The following ARHGEF10 variants were observed in gnomAD, a reference collection of about 807,000 sequenced individuals.
The protein encoded by ARHGEF10 is Rho guanine nucleotide exchange factor (GEF) 10.
A neutral mutation model predicts 147.4 loss-of-function variants in ARHGEF10; 140 were observed. The ratio of observed to expected loss-of-function variants is 0.95; its 90% CI spans 0.83 to 1.09. The LOEUF is 1.09. Among genes scored for constraint, ARHGEF10 ranks in the 50% least tolerant of loss-of-function variants. The pLI, the probability that ARHGEF10 is intolerant of heterozygous loss-of-function variation, is 0.00. For synonymous variants in ARHGEF10, 902 were observed against 695.8 expected, an observed-to-expected ratio of 1.30 and a Z score of -4.67; for missense variants, 2,222 against 1,752.7, an observed-to-expected ratio of 1.27 and a Z score of -4.78.
chr8:1,850,192 GGGCGGCCACATGGGCATGGAT>G (rs1804988115), intron 2 of ARHGEF10, among the ~76,000 whole-genome samples: 1 of 138,772 alleles, frequency 7.2e-6, no homozygotes, highest in African/African-American at 2.5e-5. Flanking sequence ...GGAGGGCGTG[GGGCGGCCACATGGGCATGGAT>G]GGCAAATGCT....
intron 6 of ARHGEF10, among the ~76,000 whole-genome samples, chr8:1,868,364 G>C (rs151218971): frequency 2.7e-4 from 41 of 152,294 alleles, no homozygotes; most frequent in Non-Finnish European, 4.3e-4. Context: ...ATATGTCATA[G>C]TTTGGACGTT....
chr8:1,838,250 C>G (rs760334847), intron 1 of ARHGEF10, among the ~76,000 whole-genome samples: 31 of 152,314 alleles, frequency 2.0e-4, no homozygotes, highest in Non-Finnish European at 3.5e-4. Flanking sequence ...GTGCCAGCGT[C>G]CCAGGGAAAG....
chr8:1,878,426 C>A (rs1162955013), intron 8 of ARHGEF10, among the ~76,000 whole-genome samples: 1 of 152,180 alleles, frequency 6.6e-6, no homozygotes, highest in Non-Finnish European at 1.5e-5. Flanking sequence ...ACCTCGTGAT[C>A]TGCCTGCCTC....
chr8:1,838,699 T>A (rs769382343), intron 1 of ARHGEF10, among the ~76,000 whole-genome samples: 1 of 152,268 alleles, frequency 6.6e-6, no homozygotes, highest in African/African-American at 2.4e-5. Context: ...GTCGGAAGCA[T>A]TGATGCCATC....
chr8:1,836,837 T>C lies in ARHGEF10; in HGVS notation c.-47-6516T>C, dbSNP rs557678372. 2.6e-5 allele frequency among the ~76,000 whole-genome samples: 4 copies of C among 152,320 alleles called. No homozygotes were observed. In the East Asian group the frequency reaches 7.7e-4, roughly 29 times the overall value. On this transcript the variant is annotated intron_variant, in intron 1 of 28. Transcript: ENST00000349830. The stretch of plus-strand genomic sequence containing the variant: ...TCATCAGGGCTGGTCTTTCCCGTGA[T>C]ATTCTCCTGATAGTGAATAAGTCTC...
At chr8:1,903,582 G>T (rs1337355873) in intron 16 of ARHGEF10, 131 bp downstream of exon 16, 5 of 1,168,066 alleles carry the variant, frequency 4.3e-6, no homozygotes, top group Non-Finnish European at 6.1e-6. Context: ...TCTTAACCGG[G>T]GTGGATGGAG....
rs963799650 is a variant in ARHGEF10, at chr8:1,917,973, G to A, written c.2144-4991G>A. Among the ~76,000 whole-genome samples the A allele has an allele frequency of 5.3e-5, 8 of 151,256 alleles. No homozygotes were observed. In the South Asian group the frequency reaches 1.0e-3, roughly 20 times the overall value. ...TTTTTTTTTTTTGTATTTTTAGTAG[G>A]GATGAGGTTTCACCATGTTGGCCAG... On this transcript the variant is annotated intron_variant, in intron 18 of 28. Transcript: ENST00000349830.
At chr8:1,951,031 G>A (rs1413033939) in intron 27 of ARHGEF10, among the ~76,000 whole-genome samples, 1 of 152,182 alleles carries the variant, frequency 6.6e-6, no homozygotes, top group African/African-American at 2.4e-5. Flanking sequence ...TCCCACAGCG[G>A]GGCTGCTTCC....
chr8:1,923,608 T>A lies in ARHGEF10; in HGVS notation c.2387+13T>A, dbSNP rs1327818098. On this transcript the variant is annotated intron_variant, in intron 20 of 28. Coordinates refer to ENST00000349830, the MANE Select transcript of ARHGEF10 (RefSeq NM_014629.4). ...GGAAGCAGGACAAGTTAGTAGTAGC[T>A]TTAAAACGAAACCTTCTTGGCCAAT... 1.2e-6 allele frequency: 2 copies of A among 1,614,160 alleles called. No individual in the cohort carries two copies. Among genetic ancestry groups the A allele is most frequent in the South Asian group, 1.1e-5 (1 of 91,078 alleles).
At chr8:1,826,150 T>C (rs1256925494) in intron 1 of ARHGEF10, 1 of 1,588,630 alleles carries the variant, frequency 6.3e-7, no homozygotes, top group Non-Finnish European at 8.5e-7. Context: ...GAAAAGTCAT[T>C]TGTATAAGGT....
chr8:1,900,152 T>C (rs995870771), intron 15 of ARHGEF10, among the ~76,000 whole-genome samples: 1 of 152,218 alleles, frequency 6.6e-6, no homozygotes, highest in Non-Finnish European at 1.5e-5. Flanking sequence ...TTTGGTTAAA[T>C]GTAAGTAAGT....
At chr8:1,912,453 G>A (rs1216460677) in intron 18 of ARHGEF10, among the ~76,000 whole-genome samples, 4 of 116,130 alleles carry the variant, frequency 3.4e-5, no homozygotes, top group South Asian at 2.4e-4. Context: ...TGTGTGGATC[G>A]TGTGGGTTGA....
intron 2 of ARHGEF10, among the ~76,000 whole-genome samples, chr8:1,849,087 C>T (rs578051551): frequency 5.9e-5 from 9 of 152,344 alleles, no homozygotes; most frequent in Non-Finnish European, 8.8e-5. Context: ...CTCCCCACCC[C>T]GGGCAGAGGG....
At chr8:1,924,096 A>T (rs1273153288) in intron 21 of ARHGEF10, among the ~76,000 whole-genome samples, 1 of 152,218 alleles carries the variant, frequency 6.6e-6, no homozygotes, top group Non-Finnish European at 1.5e-5. Flanking sequence ...GTTAAAACGG[A>T]TGGTGTTTCT....
intron 8 of ARHGEF10, among the ~76,000 whole-genome samples, chr8:1,877,946 G>A (rs1807847034): frequency 6.6e-6 from 1 of 152,034 alleles, no homozygotes; most frequent in Non-Finnish European, 1.5e-5. Context: ...CCCCCAGTAA[G>A]CGGAGATTTC....
At chr8:1,906,172 C>T (rs779955928) in intron 17 of ARHGEF10, among the ~76,000 whole-genome samples, 37 of 152,154 alleles carry the variant, frequency 2.4e-4, no homozygotes, top group Admixed American at 1.1e-3. Context: ...CAGAATCGTT[C>T]TCCAATGCAT....
chr8:1,874,269 C>A (rs1380928726), intron 7 of ARHGEF10, among the ~76,000 whole-genome samples: 2 of 152,192 alleles, frequency 1.3e-5, no homozygotes, highest in Non-Finnish European at 2.9e-5. Context: ...TTTCACACAT[C>A]TGAATAGCCT....
chr8:1,869,110 A>G (rs1387723663), intron 6 of ARHGEF10, 84 bp from the exon 7 acceptor site: 3 of 1,234,876 alleles, frequency 2.4e-6, no homozygotes, highest in Admixed American at 3.4e-5. Flanking sequence ...TCATGACATC[A>G]TCGGCGACTG....
intron 15 of ARHGEF10, among the ~76,000 whole-genome samples, chr8:1,902,129 C>T (rs1443943838): frequency 2.6e-5 from 4 of 152,112 alleles, no homozygotes; most frequent in African/African-American, 9.7e-5. Flanking sequence ...AGGTATTTGT[C>T]TTAATGCTCT....
Sources: gnomAD v4.1 joint callset for allele counts (sites outside exome capture counted in the v4.1 genomes callset) on GRCh38, gnomAD v4.1.1 for gene constraint, MANE v1.5 for transcripts, NCBI Gene and HGNC (gene_info 2026-07-23, HGNC 2026-07-21) for gene names.